The following MRPL48 variants were observed in gnomAD, a reference collection of about 807,000 sequenced individuals.
The protein encoded by MRPL48 is mitochondrial ribosomal protein L48.
MRPL48 carries 16 observed loss-of-function variants against 32.9 expected under a neutral mutation model. The observed-to-expected ratio is 0.49, with a 90% CI of 0.33 to 0.74. The LOEUF (loss-of-function observed/expected upper bound fraction) is 0.74, where lower values mean the gene tolerates loss of function less well. Among genes scored for constraint, MRPL48 ranks in the 30% least tolerant of loss-of-function variants. MRPL48 has a pLI of 0.02. For missense variants in MRPL48, 206 were observed against 245.3 expected (o/e 0.84, Z 1.07); for synonymous variants, 94 against 89.2 (o/e 1.05, Z -0.31).
At chr11:73,841,069 A>T (rs901023845) in intron 4 of MRPL48, among the ~76,000 whole-genome samples, 1 of 152,206 alleles carries the variant, frequency 6.6e-6, no homozygotes, top group Non-Finnish European at 1.5e-5. Context: ...TGCTAGTTAA[A>T]ATCTCATTGC....
At chr11:73,788,085 C>T (rs1036905116) in intron 1 of MRPL48, 93 bp downstream of exon 1, 4 of 1,282,074 alleles carry the variant, frequency 3.1e-6, no homozygotes, top group Middle Eastern at 2.1e-4. Flanking sequence ...GAGGTGGCGG[C>T]GCGCGGACAT....
chr11:73,789,437 C>T (rs1283595507), intron 1 of MRPL48: 1 of 152,216 alleles, frequency 6.6e-6, no homozygotes, highest in Non-Finnish European at 1.5e-5. Context: ...CCACTGTTCT[C>T]TTCCCGACTC....
intron 3 of MRPL48, among the ~76,000 whole-genome samples, chr11:73,815,594 T>G (rs938691625): frequency 3.9e-5 from 6 of 152,110 alleles, no homozygotes; most frequent in African/African-American, 1.4e-4. Context: ...GTTCAAGGGA[T>G]CCTTCCACCT....
chr11:73,791,516 A>AAGCGATCCTCTCGCCTTAGCCTCC (rs1565397384), intron 1 of MRPL48, among the ~76,000 whole-genome samples: 1 of 151,870 alleles, frequency 6.6e-6, no homozygotes, highest in Non-Finnish European at 1.5e-5. Context: ...TCCTGGGCTC[A>AAGCGATCCTCTCGCCTTAGCCTCC]AGCGATCCTC....
Position 73,800,064 on chromosome 11 carries a change from G to T in MRPL48, c.22-4963G>T, listed in dbSNP as rs572194974. Among the ~76,000 whole-genome samples the T allele has an allele frequency of 8.6e-4, 131 of 151,980 alleles. 2 individuals carry two copies. Among genetic ancestry groups the T allele is most frequent in the Non-Finnish European group, 7.4e-5 (5 of 67,982 alleles). On this transcript the variant is annotated intron_variant, in intron 1 of 7. Coordinates refer to ENST00000310614, the MANE Select transcript of MRPL48 (RefSeq NM_016055.6). ...ACTTTTTTTTCCTGTGTAAAATAGAGCCAGTTATCTCAATAATGCCCCATC... is the reference window on the plus strand; with the variant it reads ...ACTTTTTTTTCCTGTGTAAAATAGATCCAGTTATCTCAATAATGCCCCATC...
At chr11:73,823,664 T>TTG (rs1238494824) in intron 3 of MRPL48, among the ~76,000 whole-genome samples, 2 of 149,610 alleles carry the variant, frequency 1.3e-5, no homozygotes, top group Admixed American at 6.7e-5. Context: ...GTTTTTTTTT[T>TTG]TTTTTTTTTT....
intron 3 of MRPL48, among the ~76,000 whole-genome samples, chr11:73,811,896 CT>C (rs912439984): frequency 1.3e-5 from 2 of 151,056 alleles, no homozygotes; most frequent in Non-Finnish European, 3.0e-5. Context: ...CTTTCCCAGT[CT>C]TTTTTTTTGA....
chr11:73,815,142 G>A (rs1054597949), intron 3 of MRPL48, among the ~76,000 whole-genome samples: 2 of 152,086 alleles, frequency 1.3e-5, no homozygotes, highest in African/African-American at 4.8e-5. Context: ...TTGGCTAGGC[G>A]TCGTGTCTCA....
chr11:73,792,190 C>G (rs1428655045), intron 1 of MRPL48, among the ~76,000 whole-genome samples: 1 of 152,200 alleles, frequency 6.6e-6, no homozygotes, highest in Non-Finnish European at 1.5e-5. Flanking sequence ...TGATATTTAT[C>G]AGATCAGTGT....
At chr11:73,851,173 T>C in intron 5 of MRPL48, 1 of 437,516 alleles carries the variant, frequency 2.3e-6, no homozygotes. Flanking sequence ...CTGGGCAAAC[T>C]CCTCCCAGTT....
At chr11:73,808,816 G>C (rs571519198) in intron 3 of MRPL48, among the ~76,000 whole-genome samples, 1 of 152,060 alleles carries the variant, frequency 6.6e-6, no homozygotes, top group Non-Finnish European at 1.5e-5. Flanking sequence ...CCAGCTACTC[G>C]GGAGGCCGAA....
chr11:73,844,129 G>C (rs1948242744), intron 4 of MRPL48, among the ~76,000 whole-genome samples: 1 of 151,644 alleles, frequency 6.6e-6, no homozygotes, highest in Non-Finnish European at 1.5e-5. Context: ...TCATATATGG[G>C]TTAGGAATAT....
intron 4 of MRPL48, among the ~76,000 whole-genome samples, chr11:73,830,165 G>C (rs559303756): frequency 6.6e-6 from 1 of 152,218 alleles, no homozygotes; most frequent in South Asian, 2.1e-4. Flanking sequence ...ACAGGGCCTA[G>C]CATCAAGGAG....
At chr11:73,848,302 T>G (rs774235435) in intron 5 of MRPL48, among the ~76,000 whole-genome samples, 13 of 152,168 alleles carry the variant, frequency 8.5e-5, no homozygotes, top group Non-Finnish European at 1.5e-4. Context: ...GTGGGTCTAT[T>G]TCTCTGCTCT....
At chr11:73,812,717 AATATATAT>A (rs370608269) in intron 3 of MRPL48, among the ~76,000 whole-genome samples, 2 of 135,572 alleles carry the variant, frequency 1.5e-5, no homozygotes, top group Non-Finnish European at 3.1e-5. Context: ...CCCATGTCTA[AATATATAT>A]ATATATATAT....
chr11:73,861,991 G>A (rs1309152778), intron 6 of MRPL48, among the ~76,000 whole-genome samples: 1 of 152,104 alleles, frequency 6.6e-6, no homozygotes, highest in Non-Finnish European at 1.5e-5. Context: ...AAGCTGAGTT[G>A]AATCAAAAGG....
In MRPL48 at chr11:73,787,915, G is replaced by A. The variant is rs1947067746; in HGVS notation, c.-57G>A. On this transcript the variant is annotated 5_prime_UTR_variant, in exon 1 of 8. Transcript: ENST00000310614. Reference sequence around the variant, plus strand: ...CAGTGTTTTCAGACGCCCTGGGAACGCGGCTGCAGGGTCCGGTCTTCGGTT... The same window carrying A: ...CAGTGTTTTCAGACGCCCTGGGAACACGGCTGCAGGGTCCGGTCTTCGGTT... 1 of 1,595,290 alleles carries A rather than the reference G, an allele frequency of 6.3e-7. No individual in the cohort carries two copies. Among genetic ancestry groups the A allele is most frequent in the African/African-American group, 1.3e-5 (1 of 74,282 alleles).
intron 5 of MRPL48, among the ~76,000 whole-genome samples, chr11:73,847,858 T>C (rs568493830): frequency 2.6e-5 from 4 of 152,168 alleles, no homozygotes; most frequent in Admixed American, 6.5e-5. Flanking sequence ...GGGATTACAG[T>C]TGTGAGTCAC....
rs1451818576 is a variant in MRPL48, at chr11:73,787,906, C to T, written c.-66C>T. 2.5e-5 allele frequency: 40 copies of T among 1,590,610 alleles called. No homozygotes were observed. The highest frequency in any genetic ancestry group is 1.1e-4 in the African/African-American group (8 of 74,082). ...CCGTTCCTTCAGTGTTTTCAGACGC[C>T]CTGGGAACGCGGCTGCAGGGTCCGG... On this transcript the variant is annotated 5_prime_UTR_variant, in exon 1 of 8. Coordinates refer to ENST00000310614, the MANE Select transcript of MRPL48 (RefSeq NM_016055.6).
Sources: allele counts gnomAD v4.1 joint callset (sites outside exome capture counted in the v4.1 genomes callset), GRCh38; gene constraint gnomAD v4.1.1; transcripts MANE v1.5; gene names NCBI Gene and HGNC (gene_info 2026-07-23, HGNC 2026-07-21).